Variants in YEATS4 observed in about 807,000 individuals in gnomAD.
YEATS4 encodes the protein YEATS domain containing 4, also known as YEATS domain-containing protein 4.
Under a neutral mutation model 30.1 loss-of-function variants are expected in YEATS4, and 17 were observed. The observed-to-expected ratio is 0.56, with a 90% confidence interval of 0.39 to 0.85. The LOEUF is 0.85. YEATS4 is among the 40% of genes least tolerant of loss of function. YEATS4 has a pLI of 0.00. For missense variants in YEATS4, 142 were observed against 268.3 expected, an observed-to-expected ratio of 0.53 and a Z score of 3.29; for synonymous variants, 85 against 87.5, an observed-to-expected ratio of 0.97 and a Z score of 0.16.
downstream of YEATS4, among the ~76,000 whole-genome samples, chr12:69,395,321 A>G (rs974113077): frequency 2.0e-5 from 3 of 152,230 alleles, no homozygotes; most frequent in African/African-American, 7.2e-5. Context: ...AGAAAAAAAA[A>G]TGGAAGCAAG....
chr12:69,387,626 A>G (rs1486115485), intron 6 of YEATS4, among the ~76,000 whole-genome samples: 7 of 152,264 alleles, frequency 4.6e-5, no homozygotes, highest in African/African-American at 1.7e-4. Flanking sequence ...GCTCTGTGTT[A>G]TAGGGTGAGC....
At chr12:69,369,146 G>T (rs1565676367) in intron 4 of YEATS4, among the ~76,000 whole-genome samples, 1 of 152,046 alleles carries the variant, frequency 6.6e-6, no homozygotes, top group African/African-American at 2.4e-5. Flanking sequence ...CAAGAAAACT[G>T]CTTTTTAACA....
At chr12:69,370,832 A>ATTTGAAGTTGGAGAAC in intron 5 of YEATS4, 34 bp downstream of exon 5, 2 of 1,597,334 alleles carry the variant, frequency 1.3e-6, no homozygotes, top group East Asian at 2.2e-5. Flanking sequence ...TTTTAAAAGC[A>ATTTGAAGTTGGAGAAC]TTTGAAGTTG....
At chr12:69,388,515 G>A (rs1462110620) in intron 6 of YEATS4, among the ~76,000 whole-genome samples, 4 of 152,144 alleles carry the variant, frequency 2.6e-5, no homozygotes, top group Admixed American at 1.3e-4. Context: ...ATTAGTGAAA[G>A]TAAGTATAAG....
chr12:69,368,412 ACAT>A (rs1245537623), intron 4 of YEATS4, among the ~76,000 whole-genome samples: 1 of 152,228 alleles, frequency 6.6e-6, no homozygotes, highest in Admixed American at 6.5e-5. Context: ...AAAATTACAG[ACAT>A]CTGTCTTGAA....
At chr12:69,418,386 A>G in the YEATS4 span, among the ~76,000 whole-genome samples, 1 of 152,172 alleles carries the variant, frequency 6.6e-6, no homozygotes, top group Non-Finnish European at 1.5e-5. Context: ...CGGGAGGTGG[A>G]GGTTGCAGTG....
the YEATS4 span, among the ~76,000 whole-genome samples, chr12:69,415,815 A>C: frequency 6.6e-6 from 1 of 152,288 alleles, no homozygotes; most frequent in Non-Finnish European, 1.5e-5. Context: ...CTGAGAGGGC[A>C]GTGGGCAAGA....
chr12:69,406,963 C>T, the YEATS4 span, among the ~76,000 whole-genome samples: 2 of 151,856 alleles, frequency 1.3e-5, no homozygotes, highest in African/African-American at 4.8e-5. Flanking sequence ...CACAGGCATG[C>T]ACCACCACAC....
intron 6 of YEATS4, among the ~76,000 whole-genome samples, chr12:69,383,705 C>A (rs914960236): frequency 5.9e-5 from 9 of 152,134 alleles, no homozygotes; most frequent in Admixed American, 2.0e-4. Context: ...ATGACTTTAA[C>A]AGGAGCAGTG....
At chr12:69,379,583 A>ATTTTTTTTTTTTTTT (rs61048163) in intron 6 of YEATS4, among the ~76,000 whole-genome samples, 4 of 72,272 alleles carry the variant, frequency 5.5e-5, no homozygotes, top group South Asian at 6.4e-4. Context: ...TGCCCAGCTA[A>ATTTTTTTTTTTTTTT]TTTTTTTTTT....
At chr12:69,364,525 A>G (rs1254577043) in intron 2 of YEATS4, among the ~76,000 whole-genome samples, 1 of 152,182 alleles carries the variant, frequency 6.6e-6, no homozygotes, top group Non-Finnish European at 1.5e-5. Context: ...ACTAATGAAT[A>G]TGCTTCTGTA....
intron 6 of YEATS4, among the ~76,000 whole-genome samples, chr12:69,375,014 A>C (rs1469880976): frequency 3.3e-5 from 4 of 122,942 alleles, no homozygotes; most frequent in Non-Finnish European, 6.9e-5. Context: ...GGCTGCCCCC[A>C]CCTCCCGGAC....
chr12:69,367,121 TTA>T (rs1424035501), intron 4 of YEATS4, among the ~76,000 whole-genome samples: 18 of 152,356 alleles, frequency 1.2e-4, no homozygotes, highest in Admixed American at 2.0e-4. Flanking sequence ...GAGAATTAAC[TTA>T]TGTCACTAAG....
At chr12:69,363,849 A>G (rs974922655) in intron 2 of YEATS4, among the ~76,000 whole-genome samples, 1 of 152,264 alleles carries the variant, frequency 6.6e-6, no homozygotes, top group South Asian at 2.1e-4. Context: ...TGATATATCC[A>G]TACAATTGAA....
the YEATS4 span, among the ~76,000 whole-genome samples, chr12:69,404,251 C>G: frequency 2.0e-5 from 3 of 152,212 alleles, no homozygotes; most frequent in Non-Finnish European, 4.4e-5. Flanking sequence ...TTTCAATCTT[C>G]TCCCCATCAT....
chr12:69,424,941 CGG>C, the YEATS4 span, among the ~76,000 whole-genome samples: 1 of 152,068 alleles, frequency 6.6e-6, no homozygotes, highest in Admixed American at 6.6e-5. Context: ...TATTTTGAGA[CGG>C]AGTTTTGCTC....
intron 2 of YEATS4, among the ~76,000 whole-genome samples, 196 bp from the exon 3 acceptor site, chr12:69,365,437 C>T (rs1199000089): frequency 6.9e-6 from 1 of 145,454 alleles, no homozygotes; most frequent in African/African-American, 2.6e-5. Flanking sequence ...GGCAACAAAG[C>T]GAGACTCCAT....
At chr12:69,393,286 C>A (rs552164158), downstream of YEATS4, among the ~76,000 whole-genome samples, 69 of 152,040 alleles carry the variant, frequency 4.5e-4, no homozygotes, top group Admixed American at 2.8e-3. Context: ...ACAAAAAAAA[C>A]CAAACAAACA....
At chr12:69,381,599 G>A (rs555571495) in intron 6 of YEATS4, among the ~76,000 whole-genome samples, 1 of 152,220 alleles carries the variant, frequency 6.6e-6, no homozygotes, top group Non-Finnish European at 1.5e-5. Context: ...GAAGTGATAA[G>A]TGTCCATGAA....
Sources: allele counts gnomAD v4.1 joint callset (sites outside exome capture counted in the v4.1 genomes callset), GRCh38; gene constraint gnomAD v4.1.1; transcripts MANE v1.5; gene names NCBI Gene and HGNC (gene_info 2026-07-23, HGNC 2026-07-21).